SRGAP3: variants seen among roughly 807,000 people sequenced by gnomAD.
SRGAP3 encodes the protein SLIT-ROBO Rho GTPase activating protein 3, also known as SLIT-ROBO Rho GTPase-activating protein 3.
A neutral mutation model predicts 121.1 loss-of-function variants in SRGAP3; 39 were observed. The observed-to-expected ratio is 0.32, with a 90% CI of 0.25 to 0.42. The LOEUF is 0.42. SRGAP3 is among the 10% of genes least tolerant of loss of function. The pLI is 1.00. For missense variants in SRGAP3, 1,213 were observed against 1,470.6 expected (o/e 0.82, Z 2.86); for synonymous variants, 601 against 570.0 (o/e 1.05, Z -0.77).
intron 3 of SRGAP3, among the ~76,000 whole-genome samples, chr3:9,270,963 G>A (rs528369390): frequency 3.1e-4 from 47 of 152,268 alleles, no homozygotes; most frequent in African/African-American, 1.1e-3. Flanking sequence ...AGATCCCCCT[G>A]CAGAGGATTT....
At chr3:9,173,286 A>G (rs1145146) in intron 1 of SRGAP3, among the ~76,000 whole-genome samples, 32,066 of 152,200 alleles carry the variant, frequency 0.21, 4,224 homozygotes, top group Admixed American at 0.3. Flanking sequence ...TTACAGCCCA[A>G]AGTTCTAATG....
intron 2 of SRGAP3, among the ~76,000 whole-genome samples, chr3:9,112,055 C>T (rs1278412367): frequency 6.6e-6 from 1 of 152,208 alleles, no homozygotes; most frequent in East Asian, 1.9e-4. Context: ...CCTTGCCAAG[C>T]TAGTGAGTTG....
intron 1 of SRGAP3, among the ~76,000 whole-genome samples, chr3:9,361,305 A>G (rs556785395): frequency 1.3e-5 from 2 of 151,966 alleles, no homozygotes; most frequent in Non-Finnish European, 2.9e-5. Context: ...GAGTTTTGCC[A>G]TGTTGCCAGA....
At chr3:9,188,840 A>G (rs970448061) in intron 1 of SRGAP3, among the ~76,000 whole-genome samples, 1 of 152,228 alleles carries the variant, frequency 6.6e-6, no homozygotes, top group Non-Finnish European at 1.5e-5. Flanking sequence ...AAGTTGGCCT[A>G]AGAACTACTG....
At chr3:9,120,604 T>C (rs1312328047) in intron 2 of SRGAP3, among the ~76,000 whole-genome samples, 2 of 152,184 alleles carry the variant, frequency 1.3e-5, no homozygotes, top group Admixed American at 6.5e-5. Context: ...CGACAGCTCA[T>C]TGGGTCCTCG....
intron 8 of SRGAP3, 65 bp downstream of exon 8, chr3:9,056,168 G>T (rs923540274): frequency 4.7e-6 from 7 of 1,485,390 alleles, no homozygotes; most frequent in Middle Eastern, 1.7e-4. Flanking sequence ...TGGCACAAGT[G>T]GACTCCCTGG....
chr3:9,350,385 T>C (rs2030064589), intron 1 of SRGAP3, among the ~76,000 whole-genome samples: 2 of 152,124 alleles, frequency 1.3e-5, no homozygotes, highest in East Asian at 1.9e-4. Context: ...GGAAAGGATA[T>C]GTATGGACAG....
intron 11 of SRGAP3, chr3:9,036,436 C>T (rs557377): frequency 0.19 from 29,428 of 152,178 alleles, 3,549 homozygotes; most frequent in Middle Eastern, 0.33. Flanking sequence ...TGCAATTGAA[C>T]GCAGGGTAGC....
intron 1 of SRGAP3, among the ~76,000 whole-genome samples, chr3:9,167,565 AG>A (rs906820527): frequency 6.6e-6 from 1 of 152,052 alleles, no homozygotes; most frequent in Non-Finnish European, 1.5e-5. Flanking sequence ...GTCAACGCCT[AG>A]GGGGGGAGCA....
At chr3:9,351,637 C>T (rs1322202158) in intron 1 of SRGAP3, among the ~76,000 whole-genome samples, 1 of 152,132 alleles carries the variant, frequency 6.6e-6, no homozygotes, top group Non-Finnish European at 1.5e-5. Flanking sequence ...CAAAAGTGGT[C>T]CCATAAGATT....
chr3:9,284,066 C>T (rs551380142), intron 3 of SRGAP3, among the ~76,000 whole-genome samples: 34 of 151,978 alleles, frequency 2.2e-4, no homozygotes, highest in South Asian at 6.2e-4. Flanking sequence ...AGTTTTCCTT[C>T]GAAGCACAAA....
At chr3:9,131,062 A>C (rs1200060289) in intron 1 of SRGAP3, among the ~76,000 whole-genome samples, 1 of 152,252 alleles carries the variant, frequency 6.6e-6, no homozygotes, top group Non-Finnish European at 1.5e-5. Flanking sequence ...CCCTGAGGGC[A>C]TTTGATTACC....
At chr3:9,056,400 A>C in intron 7 of SRGAP3, 66 bp from the exon 8 acceptor site, 1 of 1,526,080 alleles carries the variant, frequency 6.6e-7, no homozygotes, top group South Asian at 1.1e-5. Flanking sequence ...GAGCTAGGGC[A>C]GGGGCTACCA....
At position 9,032,633 on chromosome 3, in the gene SRGAP3, G is replaced by A. The variant is rs1184359583; in HGVS notation, c.1539+17C>T. ...CATTGGGTGCATTCGCGGACTCCAC[G>A]GCTCCCCAGCAAGTACCTTAATGAA... On this transcript the variant is annotated intron_variant, in intron 12 of 21. Transcript: ENST00000383836. 29 of 1,611,068 alleles carry A rather than the reference G, an allele frequency of 1.8e-5. No individual in the cohort carries two copies. The highest frequency in any genetic ancestry group is 5.4e-5 in the African/African-American group (4 of 74,760).
chr3:9,147,466 G>A (rs184468224), intron 1 of SRGAP3, among the ~76,000 whole-genome samples: 7 of 152,078 alleles, frequency 4.6e-5, no homozygotes, highest in African/African-American at 1.4e-4. Flanking sequence ...TAATGAACTC[G>A]GCTGTCAGGT....
At chr3:9,146,931 G>A (rs2257056) in intron 1 of SRGAP3, among the ~76,000 whole-genome samples, 6 of 152,018 alleles carry the variant, frequency 3.9e-5, no homozygotes, top group African/African-American at 1.4e-4. Context: ...GTGATGCAAT[G>A]TAGGCTATGA....
At chr3:9,011,267 G>A (rs1020575465) in intron 17 of SRGAP3, among the ~76,000 whole-genome samples, 1 of 152,218 alleles carries the variant, frequency 6.6e-6, no homozygotes, top group African/African-American at 2.4e-5. Context: ...GACAAGAAGA[G>A]CAGAGGGGAC....
chr3:9,052,711 C>G lies in SRGAP3; in HGVS notation c.1323+316G>C, dbSNP rs1247209405. ...TATATACATAATTTCAAGGTTGTTC[C>G]TTGGGACTTGTACCTGACTCTGTCA... On this transcript the variant is annotated intron_variant, in intron 9 of 21. Transcript: ENST00000383836. Among the ~76,000 whole-genome samples, 3 of 152,196 alleles carry G rather than the reference C, an allele frequency of 2.0e-5. No homozygotes were observed. The East Asian group carries it at 5.8e-4, about 29-fold the overall frequency.
intron 1 of SRGAP3, among the ~76,000 whole-genome samples, chr3:9,351,686 A>G (rs1298667733): frequency 3.9e-5 from 6 of 152,198 alleles, no homozygotes; most frequent in Non-Finnish European, 8.8e-5. Context: ...TTATGTTTAG[A>G]TACACATATA....
Sources: allele counts gnomAD v4.1 joint callset (sites outside exome capture counted in the v4.1 genomes callset), GRCh38; gene constraint gnomAD v4.1.1; transcripts MANE v1.5; gene names NCBI Gene and HGNC (gene_info 2026-07-23, HGNC 2026-07-21).